The following CYP2C18 variants were observed in gnomAD, a reference collection of about 807,000 sequenced individuals.
The protein encoded by CYP2C18 is cytochrome P450 family 2 subfamily C member 18, also known as cytochrome P450 2C18.
CYP2C18 carries 38 observed loss-of-function variants against 41.3 expected under a neutral mutation model. That is an observed-to-expected ratio of 0.92 (90% CI 0.71 to 1.21). CYP2C18 has a LOEUF of 1.21. CYP2C18 is among the 50% of genes most tolerant of loss of function. The probability of loss-of-function intolerance (pLI) is 0.00; values close to 1 mark genes in which losing one functional copy is unlikely to be tolerated. For synonymous variants in CYP2C18, 236 were observed against 210.0 expected (o/e 1.12, Z -1.07); for missense variants, 635 against 591.4 (o/e 1.07, Z -0.77).
intron 5 of CYP2C18, among the ~76,000 whole-genome samples, chr10:94,709,654 C>G (rs1225968244): frequency 4.3e-4 from 66 of 152,032 alleles, no homozygotes; most frequent in Non-Finnish European, 1.0e-4. Flanking sequence ...ATTTTTTTGT[C>G]ACGTTTAAGA....
At chr10:94,734,611 C>G (rs574947537) in intron 8 of CYP2C18, among the ~76,000 whole-genome samples, 1 of 152,132 alleles carries the variant, frequency 6.6e-6, no homozygotes, top group African/African-American at 2.4e-5. Context: ...GATGTGACAG[C>G]AAGAGATAAA....
At chr10:94,722,865 C>A (rs1847670721) in intron 6 of CYP2C18, among the ~76,000 whole-genome samples, 1 of 152,118 alleles carries the variant, frequency 6.6e-6, no homozygotes, top group South Asian at 2.1e-4. Context: ...TAAAATACAG[C>A]AGCCAGGTGT....
chr10:94,687,573 T>C (rs1846912607), intron 1 of CYP2C18, among the ~76,000 whole-genome samples, 197 bp from the exon 2 acceptor site: 1 of 152,238 alleles, frequency 6.6e-6, no homozygotes, highest in Admixed American at 6.5e-5. Flanking sequence ...ACTACTTGCT[T>C]GGCACATTGA....
At chr10:94,733,945 A>G (rs904671263) in intron 8 of CYP2C18, among the ~76,000 whole-genome samples, 3 of 152,030 alleles carry the variant, frequency 2.0e-5, no homozygotes, top group Non-Finnish European at 4.4e-5. Context: ...GAAGGCTGCC[A>G]GAGGGGAAAG....
intron 7 of CYP2C18, among the ~76,000 whole-genome samples, chr10:94,729,766 C>T (rs1360868537): frequency 4.0e-5 from 6 of 151,766 alleles, no homozygotes; most frequent in African/African-American, 9.7e-5. Context: ...ACAGGGGCTG[C>T]GTGGGAAAAA....
chr10:94,719,382 G>A (rs1044384736), intron 5 of CYP2C18, among the ~76,000 whole-genome samples: 4 of 151,858 alleles, frequency 2.6e-5, no homozygotes, highest in Non-Finnish European at 4.4e-5. Context: ...TGATCCCCAC[G>A]CTTACAACAT....
chr10:94,696,797 A>G (rs1847125716), intron 4 of CYP2C18, among the ~76,000 whole-genome samples: 1 of 152,226 alleles, frequency 6.6e-6, no homozygotes, highest in Non-Finnish European at 1.5e-5. Flanking sequence ...GACCTGATGG[A>G]GCTGAAAACC....
intron 5 of CYP2C18, among the ~76,000 whole-genome samples, chr10:94,710,743 G>A (rs936620113): frequency 4.6e-5 from 7 of 152,112 alleles, no homozygotes; most frequent in Middle Eastern, 3.2e-3. Context: ...GTTACCAATG[G>A]GCATGATGAC....
At chr10:94,695,909 C>T (rs1254691809) in intron 4 of CYP2C18, among the ~76,000 whole-genome samples, 1 of 152,138 alleles carries the variant, frequency 6.6e-6, no homozygotes, top group Admixed American at 6.5e-5. Context: ...TGAGATCAAA[C>T]TGCAAGATGG....
chr10:94,731,332 A>G (rs1276548361), intron 7 of CYP2C18, among the ~76,000 whole-genome samples: 1 of 152,012 alleles, frequency 6.6e-6, no homozygotes, highest in Non-Finnish European at 1.5e-5. Context: ...GTGAGCAGAG[A>G]TCACACTATT....
intron 7 of CYP2C18, chr10:94,728,603 A>G (rs1463710383): frequency 1.0e-6 from 1 of 972,222 alleles, no homozygotes; most frequent in Non-Finnish European, 1.2e-6. Flanking sequence ...TTTAACTAAA[A>G]GAAACATATA....
rs748632945 is a variant in CYP2C18, at chr10:94,687,878, G to A, written c.277G>A (p.Glu93Lys). ...VKEALIDHGE[E>K]FSGRGSFPVA... ...GGAGGCCCTGATTGATCATGGAGAG[G>A]AGTTTTCTGGAAGAGGAAGTTTTCC... is the stretch of plus-strand genomic sequence containing the variant. The change falls in exon 2 of 9, where the codon GAG becomes AAG. Residue 93 changes from glutamate (E) to lysine (K), a missense_variant. Glu to Lys is a moderately conservative substitution (Grantham distance 56). Transcript: ENST00000285979. 1.2e-6 allele frequency: 2 copies of A among 1,613,808 alleles called. No individual in the cohort carries two copies. The highest frequency in any genetic ancestry group is 1.7e-6 in the Non-Finnish European group (2 of 1,179,806).
chr10:94,717,711 A>T (rs1243077333), intron 5 of CYP2C18, among the ~76,000 whole-genome samples: 1 of 152,074 alleles, frequency 6.6e-6, no homozygotes, highest in Non-Finnish European at 1.5e-5. Context: ...TATTTAAGAG[A>T]CTGTCCCCTT....
intron 8 of CYP2C18, 80 bp from the exon 9 acceptor site, chr10:94,735,183 C>T: frequency 7.4e-7 from 1 of 1,358,736 alleles, no homozygotes; most frequent in Admixed American, 1.8e-5. Flanking sequence ...AATCATTTAT[C>T]AAATAGTTAC....
chr10:94,692,716 G>A (rs1429060181), intron 3 of CYP2C18, among the ~76,000 whole-genome samples: 1 of 152,156 alleles, frequency 6.6e-6, no homozygotes, highest in Non-Finnish European at 1.5e-5. Context: ...AAAGACACAT[G>A]CACAGGTATG....
chr10:94,716,150 A>AT (rs1351217339), intron 5 of CYP2C18, among the ~76,000 whole-genome samples: 3 of 151,890 alleles, frequency 2.0e-5, no homozygotes, highest in Non-Finnish European at 4.4e-5. Flanking sequence ...GGATTCATTG[A>AT]TTTTTTGAAG....
chr10:94,701,128 C>T (rs1006095839), intron 4 of CYP2C18, among the ~76,000 whole-genome samples: 1 of 152,072 alleles, frequency 6.6e-6, no homozygotes, highest in African/African-American at 2.4e-5. Context: ...GGTATATACC[C>T]AAAGGATTAT....
chr10:94,721,865 A>G (rs1398219871), intron 6 of CYP2C18, among the ~76,000 whole-genome samples: 1 of 151,910 alleles, frequency 6.6e-6, no homozygotes, highest in East Asian at 1.9e-4. Flanking sequence ...CTAGATGCAG[A>G]TTTTTAAATC....
intron 5 of CYP2C18, among the ~76,000 whole-genome samples, chr10:94,719,225 G>T (rs1214284046): frequency 1.3e-5 from 2 of 151,830 alleles, no homozygotes; most frequent in African/African-American, 4.8e-5. Flanking sequence ...TATCAATTAA[G>T]ATTGTATATA....
Sources: gnomAD v4.1 joint callset for allele counts (sites outside exome capture counted in the v4.1 genomes callset) on GRCh38, gnomAD v4.1.1 for gene constraint, MANE v1.5 for transcripts, NCBI Gene and HGNC (gene_info 2026-07-23, HGNC 2026-07-21) for gene names.